ICA1: variants seen among roughly 807,000 people sequenced by gnomAD.
ICA1 encodes 69 kDa islet cell autoantigen.
ICA1 carries 40 observed loss-of-function variants against 71.0 expected under a neutral mutation model. The observed-to-expected ratio is 0.56, with a 90% CI of 0.44 to 0.73. The LOEUF (loss-of-function observed/expected upper bound fraction) is 0.73. ICA1 is among the 30% of genes least tolerant of loss of function. ICA1 has a pLI of 0.00. For synonymous variants in ICA1, 207 were observed against 209.5 expected (o/e 0.99, Z 0.10); for missense variants, 578 against 576.5 (o/e 1.00, Z -0.03).
intron 8 of ICA1, among the ~76,000 whole-genome samples, chr7:8,146,551 A>G (rs1285496210): frequency 6.6e-6 from 1 of 152,050 alleles, no homozygotes; most frequent in African/African-American, 2.4e-5. Context: ...TCCCTAATGC[A>G]TGACAACTAA....
chr7:8,240,947 C>T (rs191425409), intron 1 of ICA1, among the ~76,000 whole-genome samples: 1 of 152,268 alleles, frequency 6.6e-6, no homozygotes, highest in Admixed American at 6.5e-5. Flanking sequence ...GACTGGTGTA[C>T]CTGAAAGTGA....
intron 1 of ICA1, among the ~76,000 whole-genome samples, chr7:8,251,491 T>C (rs954696270): frequency 1.3e-5 from 2 of 149,220 alleles, no homozygotes; most frequent in Admixed American, 6.8e-5. Flanking sequence ...AATAAAAAAC[T>C]CAAATTATTT....
intron 6 of ICA1, among the ~76,000 whole-genome samples, chr7:8,207,648 G>A (rs1349631856): frequency 1.3e-5 from 2 of 152,228 alleles, no homozygotes; most frequent in African/African-American, 2.4e-5. Flanking sequence ...TGGGATGAAA[G>A]TGGCTGAGAA....
chr7:8,135,311 G>A (rs1793025504), intron 12 of ICA1, among the ~76,000 whole-genome samples: 2 of 152,218 alleles, frequency 1.3e-5, no homozygotes, highest in South Asian at 4.2e-4. Context: ...ACAAGTGTGA[G>A]CCACCGCGCC....
Position 8,113,357 on chromosome 7 carries a change from C to T in ICA1, c.*566G>A, listed in dbSNP as rs3735455. 2,703 of 152,756 alleles carry T rather than the reference C, an allele frequency of 0.018. 61 individuals are homozygous for T. Among genetic ancestry groups the T allele is most frequent in the East Asian group, 0.097 (502 of 5,184 alleles). The allele number at this position is 152,756 out of a possible 1,614,324, so 9.5% of individuals were successfully genotyped here. ...AAGGTTTGTGCCTTGGACAGAAGCC[C>T]AGCTCCTCCACCAGTGTGAGAACAC... On this transcript the variant is annotated 3_prime_UTR_variant, in exon 14 of 14. Transcript: ENST00000402384. The surrounding 1 kb of genome is among the most constrained non-coding windows in gnomAD (Gnocchi z 4.2).
intron 6 of ICA1, among the ~76,000 whole-genome samples, chr7:8,168,034 GA>G (rs1806802663): frequency 6.6e-6 from 1 of 151,834 alleles, no homozygotes; most frequent in Non-Finnish European, 1.5e-5. Context: ...AAAAGAGGGA[GA>G]GAGAGAGAGA....
intron 6 of ICA1, among the ~76,000 whole-genome samples, chr7:8,167,580 G>C (rs944515963): frequency 1.3e-5 from 2 of 152,068 alleles, no homozygotes; most frequent in Non-Finnish European, 2.9e-5. Context: ...CCCCCGGCAT[G>C]TAATTTACCT....
intron 4 of ICA1, among the ~76,000 whole-genome samples, chr7:8,228,138 T>C (rs1799181684): frequency 6.6e-6 from 1 of 152,208 alleles, no homozygotes; most frequent in Non-Finnish European, 1.5e-5. Context: ...TGTGACTATA[T>C]GAAAATATTG....
intron 6 of ICA1, among the ~76,000 whole-genome samples, chr7:8,185,766 G>A (rs1429294774): frequency 1.3e-5 from 2 of 152,188 alleles, no homozygotes; most frequent in African/African-American, 2.4e-5. Context: ...CAGAGACACA[G>A]TATTTCAAAG....
rs920021368 is a variant in ICA1, at chr7:8,212,970, C to G, written c.579+5335G>C. Among the ~76,000 whole-genome samples the G allele has an allele frequency of 1.4e-4, 21 of 152,282 alleles. No individual in the cohort carries two copies. The South Asian group carries it at 4.2e-3, about 30-fold the overall frequency. On this transcript the variant is annotated intron_variant, in intron 6 of 13. Coordinates refer to ENST00000402384, the MANE Select transcript of ICA1 (RefSeq NM_001136020.3). ...ATGGGTGTAATTGTTTGTTCCCTTC[C>G]AAGTTGTGCCATGTGAAAACAGCAG...
intron 6 of ICA1, among the ~76,000 whole-genome samples, chr7:8,195,902 C>T (rs1787337546): frequency 6.6e-6 from 1 of 152,088 alleles, no homozygotes; most frequent in South Asian, 2.1e-4. Flanking sequence ...TGCTTGAACC[C>T]AGGAGGAAGA....
intron 6 of ICA1, among the ~76,000 whole-genome samples, chr7:8,203,658 G>A (rs1441407467): frequency 2.6e-5 from 4 of 152,236 alleles, no homozygotes; most frequent in African/African-American, 7.2e-5. Flanking sequence ...ACTCAGGCCA[G>A]AGAGGCCCTA....
At chr7:8,253,429 T>G (rs905842297) in intron 1 of ICA1, among the ~76,000 whole-genome samples, 3 of 152,130 alleles carry the variant, frequency 2.0e-5, no homozygotes, top group Non-Finnish European at 4.4e-5. Context: ...GAAGTAAAAA[T>G]GTAAGGACAA....
chr7:8,174,489 A>C (rs574989637), intron 6 of ICA1, among the ~76,000 whole-genome samples: 2 of 152,114 alleles, frequency 1.3e-5, no homozygotes, highest in Admixed American at 1.3e-4. Flanking sequence ...AATTTCCCCC[A>C]AGATGGCAAG....
intron 6 of ICA1, among the ~76,000 whole-genome samples, chr7:8,216,494 G>A (rs745491777): frequency 2.0e-5 from 3 of 151,444 alleles, no homozygotes; most frequent in Non-Finnish European, 4.4e-5. Flanking sequence ...ACCAAGGAAT[G>A]GGTAATGTTT....
At position 8,128,017 on chromosome 7, in the gene ICA1, C is replaced by T. The variant is rs757253043; in HGVS notation, c.1186G>A (p.Ala396Thr). ...EEGEFSKEWA[A>T]VFGDGQVKEP... The stretch of plus-strand genomic sequence containing the variant: ...TTCACTTGGCCGTCTCCAAACACAG[C>T]GGCCCACTCTTTGCTGAACTCGCCC... The change falls in exon 13 of 14, where the codon GCT (alanine) becomes ACT (threonine). Residue 396 changes from alanine (A) to threonine (T), a missense_variant. Coordinates refer to ENST00000402384, the MANE Select transcript of ICA1 (RefSeq NM_001136020.3). 10 of 1,614,206 alleles carry T rather than the reference C, an allele frequency of 6.2e-6. No individual in the cohort carries two copies. Among genetic ancestry groups the T allele is most frequent in the East Asian group, 4.5e-5 (2 of 44,882 alleles).
intron 8 of ICA1, among the ~76,000 whole-genome samples, chr7:8,147,645 C>T (rs979872102): frequency 6.6e-6 from 1 of 151,082 alleles, no homozygotes; most frequent in Non-Finnish European, 1.5e-5. Context: ...ATACTGAGCA[C>T]ATGGACTTGT....
rs756658293 is a variant in ICA1 at position 8,161,084 on chromosome 7, G to A, written c.580-2432C>T. 5.9e-5 allele frequency among the ~76,000 whole-genome samples: 9 copies of A among 152,250 alleles called. 1 individual carries two copies. The South Asian group carries it at 6.2e-4, about 11-fold the overall frequency. On this transcript the variant is annotated intron_variant, in intron 6 of 13. Transcript: ENST00000402384. ...GGGGAAGAAAATACACGTGGGAGTC[G>A]GAGCTTTCAAGTATGTATTCATTCA...
intron 6 of ICA1, among the ~76,000 whole-genome samples, chr7:8,212,538 C>G (rs35230963): frequency 1.3e-5 from 2 of 152,198 alleles, no homozygotes; most frequent in African/African-American, 4.8e-5. Flanking sequence ...GCACTCCAGC[C>G]TGGGAGACAG....
Sources: gnomAD v4.1 joint callset for allele counts (sites outside exome capture counted in the v4.1 genomes callset) on GRCh38, gnomAD v4.1.1 for gene constraint, Gnocchi (gnomAD v3.1) non-coding constraint, MANE v1.5 for transcripts, NCBI Gene and HGNC (gene_info 2026-07-23, HGNC 2026-07-21) for gene names.